The following MYBPC1 variants were observed in gnomAD, a reference collection of about 807,000 sequenced individuals.
MYBPC1 encodes the protein myosin-binding protein C, slow-type.
In MYBPC1, 52 loss-of-function variants were observed where a neutral mutation model predicts 147.1. That is an observed-to-expected ratio of 0.35 (90% CI 0.28 to 0.45). The LOEUF is 0.45. Among genes scored for constraint, MYBPC1 ranks in the 20% least tolerant of loss-of-function variants. The pLI is 1.00. For missense variants in MYBPC1, 1,228 were observed against 1,440.3 expected (o/e 0.85, Z 2.39); for synonymous variants, 477 against 475.9 (o/e 1.00, Z -0.03).
intron 15 of MYBPC1, among the ~76,000 whole-genome samples, chr12:101,650,168 TAAA>T (rs1346000787): frequency 6.6e-6 from 1 of 152,228 alleles, no homozygotes; most frequent in Non-Finnish European, 1.5e-5. Flanking sequence ...TGTATCCATT[TAAA>T]GCAATTATAA....
chr12:101,642,306 C>T, intron 10 of MYBPC1, 113 bp from the exon 11 acceptor site: 8 of 1,148,852 alleles, frequency 7.0e-6, no homozygotes, highest in Non-Finnish European at 1.0e-5. Context: ...AGTACTCAGG[C>T]TTTAAACAGA....
At chr12:101,693,737 C>CTAAATAAATAAA in the MYBPC1 span, among the ~76,000 whole-genome samples, 636 of 101,928 alleles carry the variant, frequency 6.2e-3, 5 homozygotes, top group African/African-American at 0.018. Flanking sequence ...GAATCTGTCT[C>CTAAATAAATAAA]TAAATAAATA....
chr12:101,659,676 T>G lies in MYBPC1; in HGVS notation c.1772T>G (p.Ile591Ser). 1.9e-6 allele frequency: 3 copies of G among 1,614,106 alleles called. No individual in the cohort carries two copies. The highest frequency in any genetic ancestry group is 2.5e-6 in the Non-Finnish European group (3 of 1,179,952). ...TTTTGTTTCTCCACTTCTTAGGCTA[T>G]TATGGAAGGCAGTGGCCGGATAAGA... ...KAMWSRGDKA[I>S]MEGSGRIRTE... The change falls in exon 19 of 32, where the codon ATT (isoleucine) becomes AGT (serine). Residue 591 changes from isoleucine to serine, a missense_variant. Physicochemically the swap from Ile to Ser is moderately radical, Grantham distance 142. Transcript: ENST00000361466.
chr12:101,674,074 T>G (rs1316544461), intron 25 of MYBPC1, among the ~76,000 whole-genome samples: 5 of 152,200 alleles, frequency 3.3e-5, no homozygotes, highest in Non-Finnish European at 7.4e-5. Context: ...CAGTAAGATT[T>G]GTTACCATTT....
At chr12:101,626,080 C>T (rs1488180423) in intron 3 of MYBPC1, among the ~76,000 whole-genome samples, 26 of 57,124 alleles carry the variant, frequency 4.6e-4, no homozygotes, top group African/African-American at 1.6e-3. Flanking sequence ...AAGAGTGAAA[C>T]TCTGTCTCAA....
the MYBPC1 span, among the ~76,000 whole-genome samples, chr12:101,695,395 C>T: frequency 6.2e-4 from 95 of 152,278 alleles, no homozygotes; most frequent in Non-Finnish European, 9.4e-4. Flanking sequence ...GATTTCATCA[C>T]GCTACTCAGA....
chr12:101,687,570 T>C (rs932491374), downstream of MYBPC1, among the ~76,000 whole-genome samples: 1 of 152,256 alleles, frequency 6.6e-6, no homozygotes, highest in African/African-American at 2.4e-5. Context: ...TGCACAGTAT[T>C]GGTTAAGGTA....
chr12:101,683,094 T>A (rs1594097623), intron 30 of MYBPC1, among the ~76,000 whole-genome samples: 1 of 152,188 alleles, frequency 6.6e-6, no homozygotes, highest in East Asian at 1.9e-4. Context: ...TTTTTTTTGA[T>A]GTTCTGAGCA....
intron 5 of MYBPC1, among the ~76,000 whole-genome samples, chr12:101,628,718 C>T (rs549983805): frequency 5.6e-4 from 86 of 152,312 alleles, no homozygotes; most frequent in Non-Finnish European, 1.1e-3. Context: ...CACCAGAGTG[C>T]AAATGAGAAG....
intron 22 of MYBPC1, chr12:101,666,857 T>C (rs1897532870): frequency 3.4e-6 from 5 of 1,456,264 alleles, no homozygotes; most frequent in Non-Finnish European, 4.8e-6. Flanking sequence ...TCTGGGAATA[T>C]TGAATGACCA....
At chr12:101,677,909 T>C (rs1048557246) in intron 27 of MYBPC1, among the ~76,000 whole-genome samples, 193 bp from the exon 28 acceptor site, 1 of 152,270 alleles carries the variant, frequency 6.6e-6, no homozygotes, top group Non-Finnish European at 1.5e-5. Context: ...ATGACCCCTC[T>C]GGCTTTCTAT....
chr12:101,682,520 C>T, intron 29 of MYBPC1, 84 bp from the exon 30 acceptor site: 1 of 1,313,542 alleles, frequency 7.6e-7, no homozygotes, highest in Non-Finnish European at 1.1e-6. Context: ...TAATAGGTAA[C>T]TTGAATCAAG....
chr12:101,626,118 C>G (rs889753947), intron 3 of MYBPC1, among the ~76,000 whole-genome samples: 12 of 106,412 alleles, frequency 1.1e-4, no homozygotes, highest in Non-Finnish European at 1.8e-4. Context: ...AAAAATTTAT[C>G]CTTCTACTGA....
At chr12:101,671,439 G>A (rs1185205286) in intron 24 of MYBPC1, among the ~76,000 whole-genome samples, 3 of 152,036 alleles carry the variant, frequency 2.0e-5, no homozygotes, top group Admixed American at 6.6e-5. Context: ...GCCAATTCAG[G>A]CCATCCTCAT....
intron 26 of MYBPC1, 115 bp downstream of exon 26, chr12:101,675,546 A>T (rs1899768378): frequency 2.0e-6 from 3 of 1,474,390 alleles, no homozygotes; most frequent in Admixed American, 3.4e-5. Flanking sequence ...TGGAGAAGTG[A>T]TGTGGCAGAG....
At chr12:101,660,709 A>C (rs1896376025) in intron 19 of MYBPC1, among the ~76,000 whole-genome samples, 1 of 81,760 alleles carries the variant, frequency 1.2e-5, no homozygotes, top group Non-Finnish European at 3.1e-5. Context: ...TAATTTATAA[A>C]GAAAAAGAGG....
At chr12:101,689,480 C>T (rs1951388747), downstream of MYBPC1, among the ~76,000 whole-genome samples, 1 of 152,126 alleles carries the variant, frequency 6.6e-6, no homozygotes, top group African/African-American at 2.4e-5. Context: ...ACATCCCTGA[C>T]AAGCGTGGAC....
chr12:101,631,750 C>G, intron 7 of MYBPC1, 31 bp downstream of exon 7: 1 of 1,613,442 alleles, frequency 6.2e-7, no homozygotes, highest in Non-Finnish European at 8.5e-7. Context: ...GACAGGCGCT[C>G]AGCTAGCGCA....
At chr12:101,595,869 C>T (rs1008774613) in intron 1 of MYBPC1, among the ~76,000 whole-genome samples, 1 of 151,550 alleles carries the variant, frequency 6.6e-6, no homozygotes, top group African/African-American at 2.4e-5. Context: ...ATTAAAGCTA[C>T]CAATTGGTAA....
Sources: allele counts gnomAD v4.1 joint callset (sites outside exome capture counted in the v4.1 genomes callset), GRCh38; gene constraint gnomAD v4.1.1; transcripts MANE v1.5; gene names NCBI Gene and HGNC (gene_info 2026-07-23, HGNC 2026-07-21).